The following PRKN variants were observed in gnomAD, a reference collection of about 807,000 sequenced individuals.
The protein encoded by PRKN is E3 ubiquitin-protein ligase parkin.
PRKN carries 56 observed loss-of-function variants against 59.5 expected under a neutral mutation model. The observed-to-expected ratio is 0.94, with a 90% CI of 0.76 to 1.18. The LOEUF is 1.18. PRKN is among the 50% of genes most tolerant of loss of function. The pLI, the probability that PRKN is intolerant of heterozygous loss-of-function variation, is 0.00. For synonymous variants in PRKN, 250 were observed against 222.1 expected (o/e 1.13, Z -1.12); for missense variants, 657 against 596.4 (o/e 1.10, Z -1.06).
chr6:162,167,817 T>C (rs936629883), intron 4 of PRKN, among the ~76,000 whole-genome samples: 1 of 152,178 alleles, frequency 6.6e-6, no homozygotes, highest in Non-Finnish European at 1.5e-5. Flanking sequence ...AGGGTCTTAA[T>C]GAGGCAAACA....
intron 4 of PRKN, among the ~76,000 whole-genome samples, chr6:162,128,301 T>A (rs1781201477): frequency 6.6e-6 from 1 of 152,130 alleles, no homozygotes. Context: ...TCATAGTAAA[T>A]CACTAAAGGG....
chr6:162,480,181 A>C (rs1165096986), intron 1 of PRKN, among the ~76,000 whole-genome samples: 1 of 152,158 alleles, frequency 6.6e-6, no homozygotes, highest in Admixed American at 6.5e-5. Context: ...CTTTTACACA[A>C]TTGGTATCGT....
intron 4 of PRKN, among the ~76,000 whole-genome samples, chr6:162,092,350 G>C (rs1779532450): frequency 6.6e-6 from 1 of 150,628 alleles, no homozygotes; most frequent in Non-Finnish European, 1.5e-5. Flanking sequence ...TGAGTCTAAT[G>C]AAAAAATAAA....
chr6:162,304,997 G>C (rs1782157839), intron 2 of PRKN, among the ~76,000 whole-genome samples: 1 of 152,148 alleles, frequency 6.6e-6, no homozygotes, highest in Non-Finnish European at 1.5e-5. Flanking sequence ...TTCAGCTGCT[G>C]AGGACATTGT....
At chr6:162,219,593 A>G (rs1443964983) in intron 3 of PRKN, among the ~76,000 whole-genome samples, 14 of 151,394 alleles carry the variant, frequency 9.2e-5, no homozygotes, top group African/African-American at 2.9e-4. Flanking sequence ...GCATCATCCA[A>G]TGGTCCTCCG....
intron 9 of PRKN, among the ~76,000 whole-genome samples, chr6:161,504,074 G>A (rs1778058023): frequency 6.6e-6 from 1 of 152,262 alleles, no homozygotes; most frequent in African/African-American, 2.4e-5. Context: ...AAGCTATACC[G>A]ATGACATGGG....
intron 7 of PRKN, among the ~76,000 whole-genome samples, chr6:161,615,913 C>A (rs1056480622): frequency 1.3e-5 from 2 of 152,202 alleles, no homozygotes; most frequent in Admixed American, 1.3e-4. Flanking sequence ...AGGAAAATCA[C>A]CCTCTCTCGG....
intron 2 of PRKN, among the ~76,000 whole-genome samples, chr6:162,413,141 A>G (rs1001571654): frequency 2.6e-5 from 4 of 152,214 alleles, no homozygotes; most frequent in African/African-American, 9.6e-5. Flanking sequence ...TCTGAAGCCC[A>G]TATCAAATAT....
At chr6:162,655,798 A>C (rs552047233) in intron 1 of PRKN, among the ~76,000 whole-genome samples, 1 of 152,190 alleles carries the variant, frequency 6.6e-6, no homozygotes, top group Non-Finnish European at 1.5e-5. Context: ...TTTACATAAA[A>C]TATGAGCTGC....
chr6:162,328,249 C>T (rs898141245), intron 2 of PRKN, among the ~76,000 whole-genome samples: 2 of 143,444 alleles, frequency 1.4e-5, no homozygotes, highest in Non-Finnish European at 3.1e-5. Flanking sequence ...GTCCTAGCTA[C>T]TCAGGAGGCT....
At chr6:162,154,869 A>G (rs1327216184) in intron 4 of PRKN, among the ~76,000 whole-genome samples, 1 of 151,874 alleles carries the variant, frequency 6.6e-6, no homozygotes, top group East Asian at 1.9e-4. Flanking sequence ...TCTTTCTTTG[A>G]TAGATATTCT....
At chr6:161,504,892 T>C (rs1425301836) in intron 9 of PRKN, among the ~76,000 whole-genome samples, 1 of 149,086 alleles carries the variant, frequency 6.7e-6, no homozygotes, top group African/African-American at 2.5e-5. Context: ...CCATGGTGTA[T>C]ATGTGCCACA....
chr6:162,377,814 T>C (rs1786201477), intron 2 of PRKN, among the ~76,000 whole-genome samples: 1 of 152,216 alleles, frequency 6.6e-6, no homozygotes, highest in Admixed American at 6.5e-5. Flanking sequence ...GTATTAGAGT[T>C]GACCATTGGA....
intron 1 of PRKN, among the ~76,000 whole-genome samples, chr6:162,447,132 T>C (rs1790354963): frequency 6.6e-6 from 1 of 152,198 alleles, no homozygotes; most frequent in African/African-American, 2.4e-5. Flanking sequence ...ACAGGGCCTA[T>C]CCTCCTAGTG....
At chr6:162,084,286 T>C (rs1301748001) in intron 4 of PRKN, among the ~76,000 whole-genome samples, 1 of 152,150 alleles carries the variant, frequency 6.6e-6, no homozygotes, top group Non-Finnish European at 1.5e-5. Context: ...GTAATCTCTT[T>C]AAATTTGACT....
intron 4 of PRKN, among the ~76,000 whole-genome samples, chr6:162,139,067 A>G (rs1413490176): frequency 6.6e-6 from 1 of 152,212 alleles, no homozygotes; most frequent in African/African-American, 2.4e-5. Flanking sequence ...CTTCCTTGAT[A>G]CCCAGAGATG....
intron 1 of PRKN, among the ~76,000 whole-genome samples, chr6:162,534,138 T>C (rs1311342155): frequency 6.6e-6 from 1 of 152,168 alleles, no homozygotes; most frequent in African/African-American, 2.4e-5. Flanking sequence ...AGTTGCCTAT[T>C]GAAGAAAAGG....
chr6:161,704,296 TC>T (rs930225796), intron 7 of PRKN, among the ~76,000 whole-genome samples: 2 of 152,048 alleles, frequency 1.3e-5, no homozygotes, highest in African/African-American at 2.4e-5. Flanking sequence ...TGGACTATTT[TC>T]CCCCCATGAA....
intron 9 of PRKN, among the ~76,000 whole-genome samples, chr6:161,490,386 C>CCTT (rs1777509329): frequency 8.9e-6 from 1 of 112,324 alleles, no homozygotes; most frequent in Non-Finnish European, 1.7e-5. Context: ...TCTTTCTTTC[C>CCTT]TTTTTTTTTT....
Sources: allele counts gnomAD v4.1 joint callset (sites outside exome capture counted in the v4.1 genomes callset), GRCh38; gene constraint gnomAD v4.1.1; transcripts MANE v1.5; gene names NCBI Gene and HGNC (gene_info 2026-07-23, HGNC 2026-07-21).